The following R3HCC1L variants were observed in gnomAD, a reference collection of about 807,000 sequenced individuals.
R3HCC1L encodes coiled-coil domain-containing protein R3HCC1L.
In R3HCC1L, 51 loss-of-function variants were observed where a neutral mutation model predicts 59.9. The observed-to-expected ratio is 0.85, with a 90% CI of 0.68 to 1.07. R3HCC1L has a LOEUF of 1.07. Among genes scored for constraint, R3HCC1L ranks in the 50% least tolerant of loss-of-function variants. The pLI, the probability that R3HCC1L is intolerant of heterozygous loss-of-function variation, is 0.00. For synonymous variants in R3HCC1L, 322 were observed against 315.2 expected (o/e 1.02, Z -0.23); for missense variants, 965 against 933.0 (o/e 1.03, Z -0.45).
In R3HCC1L at chr10:98,220,544, A is replaced by C. The variant is rs1459095214; in HGVS notation, c.1785+10645A>C. Among the ~76,000 whole-genome samples the C allele has an allele frequency of 1.3e-4, 12 of 91,134 alleles. No homozygotes were observed. In the East Asian group the frequency reaches 1.9e-3, roughly 14 times the overall value. 59.8% of individuals were successfully genotyped at this position (91,134 alleles called of 152,430 possible). A position where few individuals can be genotyped will look rare whatever the true frequency, so the allele number is the denominator to read the frequency against. On this transcript the variant is annotated intron_variant, in intron 5 of 9. Coordinates refer to ENST00000298999, the MANE Select transcript of R3HCC1L (RefSeq NM_001351015.2). ...ATGCTATCCCTCCCCCCACCCCACA[A>C]CAGTCCCCAGAGTGTGATATTCCCT...
chr10:98,190,222 T>G (rs1850679795), intron 4 of R3HCC1L, among the ~76,000 whole-genome samples: 1 of 152,190 alleles, frequency 6.6e-6, no homozygotes, highest in African/African-American at 2.4e-5. Context: ...ATCTCTGGGT[T>G]GGTTGAATCC....
intron 4 of R3HCC1L, among the ~76,000 whole-genome samples, chr10:98,173,232 A>G (rs1273498956): frequency 6.6e-6 from 1 of 152,158 alleles, no homozygotes; most frequent in Non-Finnish European, 1.5e-5. Context: ...GTTGTGTACC[A>G]TGTCTTCCTG....
chr10:98,168,574 C>A (rs1055909726), intron 4 of R3HCC1L, among the ~76,000 whole-genome samples: 14 of 152,084 alleles, frequency 9.2e-5, no homozygotes, highest in Non-Finnish European at 1.5e-5. Flanking sequence ...TCAGTTTTTT[C>A]ATGAAATGTT....
At chr10:98,218,980 C>T (rs1302319791) in intron 5 of R3HCC1L, among the ~76,000 whole-genome samples, 1 of 152,130 alleles carries the variant, frequency 6.6e-6, no homozygotes, top group East Asian at 1.9e-4. Flanking sequence ...GGCATGGTCT[C>T]AGCTCACTGC....
At chr10:98,139,391 A>G (rs1187311543) in intron 1 of R3HCC1L, among the ~76,000 whole-genome samples, 1 of 152,234 alleles carries the variant, frequency 6.6e-6, no homozygotes, top group Non-Finnish European at 1.5e-5. Flanking sequence ...TATAATTTAG[A>G]CATTTCTTTT....
intron 2 of R3HCC1L, among the ~76,000 whole-genome samples, chr10:98,158,279 G>C (rs1249448771): frequency 6.6e-6 from 1 of 152,028 alleles, no homozygotes; most frequent in African/African-American, 2.4e-5. Flanking sequence ...ACCATAAATG[G>C]CTCTTGAGTC....
chr10:98,176,241 C>G (rs2134449272), intron 4 of R3HCC1L, among the ~76,000 whole-genome samples: 1 of 152,246 alleles, frequency 6.6e-6, no homozygotes, highest in South Asian at 2.1e-4. Flanking sequence ...TTCAAAGTTA[C>G]TTTGGCGATT....
chr10:98,183,958 G>GTTTTTTTTTTTTTTTTTTT lies in R3HCC1L; in HGVS notation c.-15+20576_-15+20577insTTTTTTTTTTTTTTTTTTT, dbSNP rs71007380. Among the ~76,000 whole-genome samples the GTTTTTTTTTTTTTTTTTTT allele has an allele frequency of 2.0e-4, 25 of 126,564 alleles. 1 individual carries two copies. The highest frequency in any genetic ancestry group is 6.6e-4 in the African/African-American group (22 of 33,366). 83.0% of individuals were successfully genotyped at this position (126,564 alleles called of 152,430 possible). A position where few individuals can be genotyped will look rare whatever the true frequency, so the allele number is the denominator to read the frequency against. On this transcript the variant is annotated intron_variant, in intron 4 of 9. Coordinates refer to ENST00000298999, the MANE Select transcript of R3HCC1L (RefSeq NM_001351015.2). ...TTTTTTTTTCTTTGCTCCTTTTTCG[G>GTTTTTTTTTTTTTTTTTTT]TTTTTTTTTTTTTTTGGTTGAAATC...
At chr10:98,188,846 C>G (rs1243868336) in intron 4 of R3HCC1L, among the ~76,000 whole-genome samples, 1 of 152,100 alleles carries the variant, frequency 6.6e-6, no homozygotes, top group East Asian at 1.9e-4. Flanking sequence ...TATTCTAGTC[C>G]TTTGGCCTTG....
intron 4 of R3HCC1L, among the ~76,000 whole-genome samples, chr10:98,198,887 C>T (rs1164565548): frequency 6.6e-6 from 1 of 152,030 alleles, no homozygotes; most frequent in Non-Finnish European, 1.5e-5. Flanking sequence ...TTAATGTGGA[C>T]CACAAATGTG....
chr10:98,191,610 G>T (rs762808246), intron 4 of R3HCC1L, among the ~76,000 whole-genome samples: 2 of 152,100 alleles, frequency 1.3e-5, no homozygotes, highest in African/African-American at 4.8e-5. Flanking sequence ...GGTTGCCTGT[G>T]CACTCTGATG....
At chr10:98,191,624 G>A (rs1850863558) in intron 4 of R3HCC1L, among the ~76,000 whole-genome samples, 1 of 152,178 alleles carries the variant, frequency 6.6e-6, no homozygotes, top group African/African-American at 2.4e-5. Flanking sequence ...TCTGATGGTA[G>A]TTTCTTTGCT....
At chr10:98,167,035 G>GT (rs1221580115) in intron 4 of R3HCC1L, among the ~76,000 whole-genome samples, 3 of 151,480 alleles carry the variant, frequency 2.0e-5, no homozygotes, top group Non-Finnish European at 4.4e-5. Flanking sequence ...GTATTTGATG[G>GT]TAAAAAAAAA....
rs1009093393 is a variant in R3HCC1L at position 98,183,867 on chromosome 10, C to G, written c.-15+20470C>G. On this transcript the variant is annotated intron_variant, in intron 4 of 9. Coordinates refer to ENST00000298999, the MANE Select transcript of R3HCC1L (RefSeq NM_001351015.2). The stretch of plus-strand genomic sequence containing the variant: ...CTACATTTTTCGTTAGAGCATTTAA[C>G]GTATAAATTCCGTGTTTGATAGTTC... 4.0e-5 allele frequency among the ~76,000 whole-genome samples: 6 copies of G among 151,634 alleles called. No homozygotes were observed. The South Asian group carries it at 6.2e-4, about 16-fold the overall frequency.
intron 4 of R3HCC1L, among the ~76,000 whole-genome samples, chr10:98,168,004 T>C (rs1399011996): frequency 3.3e-5 from 5 of 152,174 alleles, no homozygotes; most frequent in African/African-American, 1.2e-4. Flanking sequence ...TTGAGCTCCT[T>C]TATTGTCAAC....
At chr10:98,138,410 G>A (rs1325040098) in intron 1 of R3HCC1L, among the ~76,000 whole-genome samples, 1 of 151,846 alleles carries the variant, frequency 6.6e-6, no homozygotes, top group Non-Finnish European at 1.5e-5. Flanking sequence ...AAACACTTTT[G>A]GCTGGGCCTG....
At chr10:98,152,503 G>C (rs571201542) in intron 1 of R3HCC1L, among the ~76,000 whole-genome samples, 1 of 134,308 alleles carries the variant, frequency 7.4e-6, no homozygotes, top group East Asian at 2.3e-4. Context: ...CGTCTAGGAA[G>C]TGAGGAGCGT....
At chr10:98,213,688 C>T (rs1420343431) in intron 5 of R3HCC1L, among the ~76,000 whole-genome samples, 6 of 152,080 alleles carry the variant, frequency 3.9e-5, no homozygotes, top group Non-Finnish European at 7.4e-5. Flanking sequence ...AATCTATAGA[C>T]TTTATTTTTG....
At chr10:98,155,098 T>C (rs1489478135) in intron 1 of R3HCC1L, among the ~76,000 whole-genome samples, 1 of 152,170 alleles carries the variant, frequency 6.6e-6, no homozygotes, top group Non-Finnish European at 1.5e-5. Context: ...TTTTACCCAG[T>C]CTTCTATTTG....
Sources: gnomAD v4.1 joint callset for allele counts (sites outside exome capture counted in the v4.1 genomes callset) on GRCh38, gnomAD v4.1.1 for gene constraint, MANE v1.5 for transcripts, NCBI Gene and HGNC (gene_info 2026-07-23, HGNC 2026-07-21) for gene names.